NECAB3: variants seen among roughly 807,000 people sequenced by gnomAD.
NECAB3 encodes the protein N-terminal EF-hand calcium binding protein 3.
In NECAB3, 38 loss-of-function variants were observed where a neutral mutation model predicts 57.2. That is an observed-to-expected ratio of 0.66 (90% CI 0.51 to 0.87). The LOEUF (loss-of-function observed/expected upper bound fraction) is 0.87, where lower values mean the gene tolerates loss of function less well. Among genes scored for constraint, NECAB3 ranks in the 40% least tolerant of loss-of-function variants. The pLI is 0.00. For synonymous variants in NECAB3, 223 were observed against 222.6 expected (o/e 1.00, Z -0.02); for missense variants, 474 against 527.5 (o/e 0.90, Z 0.99).
chr20:33,658,064 TCTCCCCACTCC>T, intron 10 of NECAB3, 31 bp from the exon 11 acceptor site: 1 of 1,535,502 alleles, frequency 6.5e-7, no homozygotes, highest in Non-Finnish European at 8.8e-7. Context: ...GTGACCTCGC[TCTCCCCACTCC>T]CGCCCCATCC....
intron 5 of NECAB3, chr20:33,666,780 C>A (rs1273430930): frequency 6.6e-6 from 1 of 152,362 alleles, no homozygotes; most frequent in Non-Finnish European, 1.5e-5. Context: ...GGCTGGAACC[C>A]AGCCAGAGCG....
Position 33,659,871 on chromosome 20 carries a change from C to G in NECAB3, c.643+14G>C, listed in dbSNP as rs766826687. On this transcript the variant is annotated intron_variant, in intron 7 of 11. Transcript: ENST00000246190. The stretch of plus-strand genomic sequence containing the variant: ...CCTGCCTCGGCCAGGCCTCCCACCC[C>G]ACCCCAGGCGCACCTGTGTCAGAAG... 3 of 1,541,942 alleles carry G rather than the reference C, an allele frequency of 1.9e-6. No homozygotes were observed. The highest frequency in any genetic ancestry group is 1.7e-6 in the Non-Finnish European group (2 of 1,146,782).
intron 1 of NECAB3, among the ~76,000 whole-genome samples, chr20:33,673,097 G>A (rs910193233): frequency 3.3e-5 from 5 of 152,124 alleles, no homozygotes; most frequent in African/African-American, 7.2e-5. Context: ...AGGCAAGTTC[G>A]GCAGATTTCA....
chr20:33,673,963 C>T (rs915113243), intron 1 of NECAB3, among the ~76,000 whole-genome samples: 6 of 152,112 alleles, frequency 3.9e-5, no homozygotes, highest in Non-Finnish European at 7.4e-5. Flanking sequence ...TTGTCGCCAG[C>T]CCCCCGCCAA....
rs574890015 is a variant in NECAB3, at chr20:33,662,480, G to A, written c.388-2085C>T. 5.2e-5 allele frequency: 81 copies of A among 1,551,150 alleles called. No homozygotes were observed. The Admixed American group carries it at 1.3e-3, about 25-fold the overall frequency. On this transcript the variant is annotated intron_variant, in intron 5 of 11. Coordinates refer to ENST00000246190, the MANE Select transcript of NECAB3 (RefSeq NM_031232.4). ...CTCGGAAGAAGCCGGCTGTGAGGGC[G>A]GGGGATGGGGAGCAGGGCTGGGGAG...
intron 5 of NECAB3, chr20:33,663,689 T>C (rs2017559885): frequency 1.3e-6 from 2 of 1,581,098 alleles, no homozygotes; most frequent in Non-Finnish European, 1.7e-6. Flanking sequence ...AGGATGCCGG[T>C]ACTGCTGCTG....
At position 33,659,951 on chromosome 20, in the gene NECAB3, C is replaced by T; in HGVS notation, c.577G>A (p.Ala193Thr). 1 of 1,556,958 alleles carries T rather than the reference C, an allele frequency of 6.4e-7. No homozygotes were observed. The highest frequency in any genetic ancestry group is 8.7e-7 in the Non-Finnish European group (1 of 1,153,044). ...ACACTCCTCAGGGCTCGGCGTCCTG[C>T]CCGCCGGCTGCCGCAGAGCCTGCTC... ...AQSRLCGSRR[A>T]GRRALRSVSR... The change falls in exon 7 of 12, where the codon GCA becomes ACA. Residue 193 changes from alanine (A) to threonine (T), a missense_variant. Coordinates refer to ENST00000246190, the MANE Select transcript of NECAB3 (RefSeq NM_031232.4).
chr20:33,671,278 G>A (rs2017822771), intron 2 of NECAB3, among the ~76,000 whole-genome samples: 1 of 152,170 alleles, frequency 6.6e-6, no homozygotes, highest in South Asian at 2.1e-4. Flanking sequence ...GGCTGGCTCA[G>A]AAGGGAATGA....
intron 5 of NECAB3, chr20:33,662,761 G>A (rs1163394471): frequency 5.7e-6 from 2 of 349,734 alleles, no homozygotes; most frequent in African/African-American, 2.1e-5. Flanking sequence ...GCAACATAGG[G>A]AGGCCCCATC....
intron 5 of NECAB3, chr20:33,667,898 G>T (rs1289056164): frequency 1.9e-6 from 3 of 1,581,640 alleles, no homozygotes; most frequent in South Asian, 1.1e-5. Context: ...GGCCTGCTGG[G>T]CCAGGCTGAG....
chr20:33,672,671 G>A (rs1314303260), intron 1 of NECAB3, among the ~76,000 whole-genome samples: 2 of 152,188 alleles, frequency 1.3e-5, no homozygotes, highest in Non-Finnish European at 2.9e-5. Context: ...CTCGTGGGGG[G>A]TGCTCCTGGC....
intron 7 of NECAB3, 44 bp downstream of exon 7, chr20:33,659,841 C>T (rs908621190): frequency 1.2e-5 from 19 of 1,535,634 alleles, no homozygotes; most frequent in African/African-American, 2.7e-5. Context: ...AGGGGGGATG[C>T]GGTGCCTGCC....
chr20:33,660,529 G>A lies in NECAB3; in HGVS notation c.388-134C>T, dbSNP rs2017439073. On this transcript the variant is annotated intron_variant, in intron 5 of 11. Transcript: ENST00000246190. This position sits in a 1 kb window ranked among gnomAD's most constrained non-coding sequence, Gnocchi z 4.1. ...GGGCACGCAAACCTGGCACAGGCAGGAGGGTACTGAGACCTGATGGGCAGG... is the reference window on the plus strand; with the variant it reads ...GGGCACGCAAACCTGGCACAGGCAGAAGGGTACTGAGACCTGATGGGCAGG... 8.4e-7 allele frequency: 1 copy of A among 1,190,182 alleles called. No individual in the cohort carries two copies. Among genetic ancestry groups the A allele is most frequent in the Non-Finnish European group, 1.2e-6 (1 of 853,468 alleles). The allele number at this position is 1,190,182 out of a possible 1,614,324, so 73.7% of individuals were successfully genotyped here. A position where few individuals can be genotyped will look rare whatever the true frequency, so the allele number is the denominator to read the frequency against.
intron 5 of NECAB3, among the ~76,000 whole-genome samples, chr20:33,661,250 G>A (rs2017467309): frequency 6.6e-6 from 1 of 152,164 alleles, no homozygotes; most frequent in Non-Finnish European, 1.5e-5. Context: ...CTGCCCACTT[G>A]TACACCCAGG....
chr20:33,666,316 G>A (rs1223215471), intron 5 of NECAB3, among the ~76,000 whole-genome samples: 1 of 152,244 alleles, frequency 6.6e-6, no homozygotes, highest in Non-Finnish European at 1.5e-5. Flanking sequence ...GTGCTGGGCT[G>A]CTGAAGCCAG....
Position 33,672,494 on chromosome 20 carries a change from CAGGGT to C in NECAB3, c.130-77_130-73del. ...AGCCAGAGGCCCCCACTCAACCCGA[CAGGGT>C]CCCAGCTGGCCGACCTACCCCCTGC... On this transcript the variant is annotated intron_variant, in intron 1 of 11. Coordinates refer to ENST00000246190, the MANE Select transcript of NECAB3 (RefSeq NM_031232.4). 2.5e-6 allele frequency: 4 copies of C among 1,590,088 alleles called. No homozygotes were observed. In the South Asian group the frequency reaches 4.4e-5, roughly 18 times the overall value.
intron 5 of NECAB3, chr20:33,661,987 T>C (rs753750362): frequency 7.9e-5 from 14 of 177,248 alleles, no homozygotes; most frequent in Non-Finnish European, 1.6e-4. Context: ...GGAACCATAA[T>C]TGACCCCATT....
At chr20:33,668,083 CG>C (rs747022481) in intron 5 of NECAB3, 1 of 1,591,010 alleles carries the variant, frequency 6.3e-7, no homozygotes, top group Non-Finnish European at 8.6e-7. Flanking sequence ...CGCGGCCCTG[CG>C]GCCCCACCTG....
rs945628469 is a variant in NECAB3 at position 33,657,753 on chromosome 20, G to A, written c.*76C>T. ...GGAGGAGACAAGTCCTGGTCTTTGC[G>A]CTGGGCTGGCCAGTCCAGAAGGCTC... On this transcript the variant is annotated 3_prime_UTR_variant, in exon 12 of 12. Transcript: ENST00000246190. 7.0e-6 allele frequency: 10 copies of A among 1,421,592 alleles called. No individual in the cohort carries two copies. Among genetic ancestry groups the A allele is most frequent in the African/African-American group, 2.9e-5 (2 of 69,312 alleles). 88.1% of individuals were successfully genotyped at this position (1,421,592 alleles called of 1,614,324 possible).
Sources: gnomAD v4.1 joint callset for allele counts (sites outside exome capture counted in the v4.1 genomes callset) on GRCh38, gnomAD v4.1.1 for gene constraint, Gnocchi (gnomAD v3.1) non-coding constraint, MANE v1.5 for transcripts, NCBI Gene and HGNC (gene_info 2026-07-23, HGNC 2026-07-21) for gene names.